ANKS1B: variants seen among roughly 807,000 people sequenced by gnomAD.
The protein encoded by ANKS1B is ankyrin repeat and sterile alpha motif domain-containing protein 1B.
Under a neutral mutation model 148.3 loss-of-function variants are expected in ANKS1B, and 36 were observed. The observed-to-expected ratio is 0.24, with a 90% CI of 0.19 to 0.32. ANKS1B has a LOEUF of 0.32. Ranked by LOEUF, ANKS1B falls within the 10% of genes least tolerant of loss-of-function variation. ANKS1B has a pLI of 1.00. For missense variants in ANKS1B, 1,157 were observed against 1,542.6 expected, an observed-to-expected ratio of 0.75 and a Z score of 4.19; for synonymous variants, 542 against 560.8, an observed-to-expected ratio of 0.97 and a Z score of 0.47.
intron 1 of ANKS1B, among the ~76,000 whole-genome samples, chr12:99,868,255 T>C (rs2091014749): frequency 6.6e-6 from 1 of 152,206 alleles, no homozygotes; most frequent in South Asian, 2.1e-4. Context: ...AATTTCTTTA[T>C]CTGAATGCTT....
chr12:99,796,783 A>C (rs1052866034), intron 4 of ANKS1B, among the ~76,000 whole-genome samples: 4 of 151,972 alleles, frequency 2.6e-5, no homozygotes, highest in African/African-American at 9.7e-5. Context: ...TTTTAAAAGT[A>C]ACCTCAATTA....
chr12:99,621,692 A>G (rs544736089), intron 9 of ANKS1B, among the ~76,000 whole-genome samples: 1 of 152,188 alleles, frequency 6.6e-6, no homozygotes, highest in Non-Finnish European at 1.5e-5. Flanking sequence ...GGTTCAATTC[A>G]TGAGAAGACT....
chr12:98,798,112 T>G (rs1468671421), intron 22 of ANKS1B, among the ~76,000 whole-genome samples: 3 of 142,752 alleles, frequency 2.1e-5, no homozygotes, highest in Non-Finnish European at 4.5e-5. Flanking sequence ...TCACAGATAT[T>G]TGGAATTGCC....
chr12:99,474,203 G>A (rs1191279228), intron 10 of ANKS1B, among the ~76,000 whole-genome samples: 1 of 151,994 alleles, frequency 6.6e-6, no homozygotes, highest in African/African-American at 2.4e-5. Context: ...ATTTTCGTAT[G>A]TAAGTCATGA....
intron 17 of ANKS1B, among the ~76,000 whole-genome samples, chr12:98,983,234 G>A (rs1465275021): frequency 6.6e-6 from 1 of 152,116 alleles, no homozygotes; most frequent in South Asian, 2.1e-4. Context: ...CTGCTTCCAG[G>A]CTTTTTCAGG....
chr12:99,581,590 G>A (rs1166587927), intron 9 of ANKS1B, among the ~76,000 whole-genome samples: 1 of 152,142 alleles, frequency 6.6e-6, no homozygotes, highest in Non-Finnish European at 1.5e-5. Flanking sequence ...AAAACACACT[G>A]TTAAGAAAAT....
chr12:98,898,495 C>T (rs751216093), intron 17 of ANKS1B, among the ~76,000 whole-genome samples: 41 of 152,134 alleles, frequency 2.7e-4, no homozygotes, highest in Non-Finnish European at 5.9e-5. Context: ...TCTCACCTTA[C>T]AGCAAAGAAA....
chr12:99,984,198 C>A lies in ANKS1B; in HGVS notation c.40G>T (p.Gly14Ter). The A allele has an allele frequency of 6.2e-7, 1 of 1,613,850 alleles. No homozygotes were observed. The highest frequency in any genetic ancestry group is 8.5e-7 in the Non-Finnish European group (1 of 1,179,822). Reference protein sequence around the residue: ...DQELLEAARTGNVALVEKLLS... With the variant: ...DQELLEAART The stretch of plus-strand genomic sequence containing the variant: ...AGTTTCTCCACCAGAGCCACATTTC[C>A]AGTGCGAGCAGCTTCCAGCAGCTCC... Residue 14 changes from glycine to a stop codon, truncating the protein, a stop_gained, in exon 1 of 27, where the codon GGA (glycine) becomes TGA (stop). Coordinates refer to ENST00000683438, the MANE Select transcript of ANKS1B (RefSeq NM_001352186.2). LOFTEE classifies it high-confidence loss of function.
intron 9 of ANKS1B, among the ~76,000 whole-genome samples, chr12:99,552,493 T>A (rs1212191012): frequency 6.6e-6 from 1 of 152,236 alleles, no homozygotes; most frequent in Admixed American, 6.5e-5. Context: ...CATAAAACTC[T>A]CACTAAATAG....
intron 17 of ANKS1B, among the ~76,000 whole-genome samples, chr12:98,848,613 C>A (rs944218611): frequency 3.3e-5 from 5 of 150,092 alleles, no homozygotes; most frequent in Admixed American, 6.7e-5. Flanking sequence ...GGCTGGAGTA[C>A]AGTGGCATGA....
intron 17 of ANKS1B, among the ~76,000 whole-genome samples, chr12:98,834,762 G>A (rs2153703365): frequency 6.6e-6 from 1 of 152,196 alleles, no homozygotes; most frequent in Non-Finnish European, 1.5e-5. Flanking sequence ...CTGATTACTT[G>A]CAGGCAGCAT....
intron 12 of ANKS1B, among the ~76,000 whole-genome samples, chr12:99,333,051 T>C (rs906415423): frequency 6.6e-6 from 1 of 152,084 alleles, no homozygotes; most frequent in African/African-American, 2.4e-5. Context: ...GTTTGTGTTT[T>C]AGAAACATCA....
chr12:99,875,615 A>C (rs1351876650), intron 1 of ANKS1B, among the ~76,000 whole-genome samples: 1 of 152,232 alleles, frequency 6.6e-6, no homozygotes, highest in Non-Finnish European at 1.5e-5. Flanking sequence ...TGCAGACAGA[A>C]GTGATATTAC....
At chr12:98,846,842 C>T (rs1281148352) in intron 17 of ANKS1B, among the ~76,000 whole-genome samples, 1 of 152,218 alleles carries the variant, frequency 6.6e-6, no homozygotes, top group Non-Finnish European at 1.5e-5. Flanking sequence ...TTTGGAATGA[C>T]AGTTATCAAA....
chr12:99,233,981 G>A (rs974992), intron 14 of ANKS1B, among the ~76,000 whole-genome samples: 112,506 of 151,406 alleles, frequency 0.74, 41,907 homozygotes, highest in Middle Eastern at 0.8. Flanking sequence ...AAATAGGCAA[G>A]AGAATCCAAA....
At chr12:99,813,023 C>T (rs980917190) in intron 2 of ANKS1B, among the ~76,000 whole-genome samples, 1 of 151,616 alleles carries the variant, frequency 6.6e-6, no homozygotes, top group Non-Finnish European at 1.5e-5. Flanking sequence ...TTTGAGTATT[C>T]CTTGTTCCTA....
At chr12:99,237,242 C>T (rs756840718) in intron 14 of ANKS1B, among the ~76,000 whole-genome samples, 5 of 152,086 alleles carry the variant, frequency 3.3e-5, no homozygotes, top group Non-Finnish European at 7.3e-5. Context: ...ACAAAATTCA[C>T]ATACTTTTCA....
At chr12:98,811,307 G>A (rs1176923461) in intron 19 of ANKS1B, among the ~76,000 whole-genome samples, 1 of 152,086 alleles carries the variant, frequency 6.6e-6, no homozygotes, top group African/African-American at 2.4e-5. Flanking sequence ...GGGACCCAGG[G>A]GGACAAACAT....
intron 1 of ANKS1B, among the ~76,000 whole-genome samples, chr12:99,883,615 GC>G (rs777664614): frequency 0.11 from 15,727 of 149,186 alleles, 919 homozygotes; most frequent in African/African-American, 0.15. Flanking sequence ...TAGACTTGGG[GC>G]AGGGGGGAAT....
Sources: allele counts gnomAD v4.1 joint callset (sites outside exome capture counted in the v4.1 genomes callset), GRCh38; gene constraint gnomAD v4.1.1; transcripts MANE v1.5; gene names NCBI Gene and HGNC (gene_info 2026-07-23, HGNC 2026-07-21).